NBAS: variants seen among roughly 807,000 people sequenced by gnomAD.
NBAS encodes the protein NAG/BC035112 fusion.
In NBAS, 219 loss-of-function variants were observed where a neutral mutation model predicts 302.5. The ratio of observed to expected loss-of-function variants is 0.72; its 90% CI spans 0.65 to 0.81. The LOEUF (loss-of-function observed/expected upper bound fraction) is 0.81. NBAS is among the 30% of genes least tolerant of loss of function. The pLI, the probability that NBAS is intolerant of heterozygous loss-of-function variation, is 0.00. For synonymous variants in NBAS, 1,118 were observed against 1,021.6 expected (o/e 1.09, Z -1.80); for missense variants, 2,932 against 2,841.6 (o/e 1.03, Z -0.72).
chr2:15,266,354 T>A (rs1412490441), intron 44 of NBAS, among the ~76,000 whole-genome samples: 1 of 152,186 alleles, frequency 6.6e-6, no homozygotes, highest in Non-Finnish European at 1.5e-5. Flanking sequence ...GAGGCACTCA[T>A]TAGGATGCCC....
the NBAS span, among the ~76,000 whole-genome samples, chr2:14,948,100 A>G: frequency 6.6e-6 from 1 of 152,034 alleles, no homozygotes; most frequent in South Asian, 2.1e-4. Context: ...TAGGATAACT[A>G]TAGTCTACAT....
chr2:14,990,721 T>C, the NBAS span, among the ~76,000 whole-genome samples: 1 of 152,120 alleles, frequency 6.6e-6, no homozygotes, highest in Non-Finnish European at 1.5e-5. Flanking sequence ...TGCCTCAGCC[T>C]CCAGAGTAGC....
chr2:14,862,197 G>A, the NBAS span, among the ~76,000 whole-genome samples: 1 of 151,536 alleles, frequency 6.6e-6, no homozygotes, highest in Non-Finnish European at 1.5e-5. Context: ...GGAGTGCAGT[G>A]GCACAGTCTC....
At chr2:15,465,152 A>C (rs1056260521) in intron 19 of NBAS, among the ~76,000 whole-genome samples, 7 of 152,152 alleles carry the variant, frequency 4.6e-5, no homozygotes, top group Non-Finnish European at 7.4e-5. Context: ...TGGTTCTTGC[A>C]ACAAATATTT....
At position 15,167,012 on chromosome 2, in the gene NBAS, G is replaced by T. The variant is rs368424859; in HGVS notation, c.*36C>A. ...CTGGGAACAGCATTCAACTCCAGAT[G>T]CTTTTTCTGCTAAGGAGCAGGGCCA... On this transcript the variant is annotated 3_prime_UTR_variant, in exon 52 of 52. Coordinates refer to ENST00000281513, the MANE Select transcript of NBAS (RefSeq NM_015909.4). 3.3e-6 allele frequency: 5 copies of T among 1,509,238 alleles called. No individual in the cohort carries two copies. The highest frequency in any genetic ancestry group is 1.4e-5 in the African/African-American group (1 of 71,650). The allele number at this position is 1,509,238 out of a possible 1,614,324, so 93.5% of individuals were successfully genotyped here.
chr2:15,445,423 CAT>C lies in NBAS; in HGVS notation c.2339+15776_2339+15777del, dbSNP rs1432457420. Among the ~76,000 whole-genome samples, 9 of 148,354 alleles carry C rather than the reference CAT, an allele frequency of 6.1e-5. No homozygotes were observed. The South Asian group carries it at 1.9e-3, about 32-fold the overall frequency. On this transcript the variant is annotated intron_variant, in intron 21 of 51. Transcript: ENST00000281513. ...CGCAAGAACAAAAATCCAAACACCG[CAT>C]ATTCTCACTCATAGGTGGGAATTGA...
chr2:14,893,398 G>A, the NBAS span, among the ~76,000 whole-genome samples: 3 of 151,790 alleles, frequency 2.0e-5, no homozygotes, highest in East Asian at 3.9e-4. Context: ...CCTAGTTTTT[G>A]TTACATTTTC....
chr2:14,890,099 C>T, the NBAS span, among the ~76,000 whole-genome samples: 1 of 152,144 alleles, frequency 6.6e-6, no homozygotes, highest in Non-Finnish European at 1.5e-5. Context: ...TAAAAAATTA[C>T]AGACTTTTTT....
At chr2:15,294,563 G>A (rs1297253978) in intron 40 of NBAS, among the ~76,000 whole-genome samples, 6 of 152,238 alleles carry the variant, frequency 3.9e-5, no homozygotes, top group East Asian at 1.9e-4. Flanking sequence ...CCTCCAGCAC[G>A]TGCACAGCCA....
At chr2:15,551,185 A>C (rs1664365103) in intron 6 of NBAS, among the ~76,000 whole-genome samples, 1 of 152,144 alleles carries the variant, frequency 6.6e-6, no homozygotes, top group African/African-American at 2.4e-5. Context: ...GTCTGTATCT[A>C]ACTCTTGACT....
the NBAS span, among the ~76,000 whole-genome samples, chr2:14,983,587 T>C: frequency 6.6e-6 from 1 of 152,290 alleles, no homozygotes; most frequent in African/African-American, 2.4e-5. Flanking sequence ...CAGAACATTT[T>C]ATCAACAAAA....
chr2:15,336,716 C>A (rs1672602136), intron 35 of NBAS, among the ~76,000 whole-genome samples: 1 of 150,648 alleles, frequency 6.6e-6, no homozygotes, highest in African/African-American at 2.5e-5. Flanking sequence ...GGCGACAGAA[C>A]AAGACTCCAT....
At chr2:14,937,990 TG>T in the NBAS span, among the ~76,000 whole-genome samples, 1 of 152,100 alleles carries the variant, frequency 6.6e-6, no homozygotes, top group African/African-American at 2.4e-5. Flanking sequence ...TTAGCCGTCA[TG>T]GTGGTACGCA....
At chr2:14,946,841 T>C in the NBAS span, among the ~76,000 whole-genome samples, 3 of 152,138 alleles carry the variant, frequency 2.0e-5, no homozygotes, top group African/African-American at 7.2e-5. Context: ...TTTTTCTGAC[T>C]AAAGTGGAAA....
At chr2:14,892,427 CG>C in the NBAS span, among the ~76,000 whole-genome samples, 1 of 152,186 alleles carries the variant, frequency 6.6e-6, no homozygotes. Context: ...ATCAAGACCA[CG>C]TAGGACACCT....
At chr2:15,458,569 A>G (rs7605727) in intron 21 of NBAS, among the ~76,000 whole-genome samples, 94,626 of 151,666 alleles carry the variant, frequency 0.62, 30,263 homozygotes, top group Middle Eastern at 0.68. Flanking sequence ...TTCACCTTCC[A>G]CCATGACTGG....
chr2:15,506,768 G>A (rs1661873921), intron 10 of NBAS, among the ~76,000 whole-genome samples: 1 of 152,034 alleles, frequency 6.6e-6, no homozygotes, highest in Admixed American at 6.6e-5. Context: ...CAAATATTAT[G>A]TATGTGACAA....
At chr2:15,231,099 G>C (rs1252437424) in intron 47 of NBAS, among the ~76,000 whole-genome samples, 1 of 152,172 alleles carries the variant, frequency 6.6e-6, no homozygotes, top group African/African-American at 2.4e-5. Context: ...TGAGCTCCTT[G>C]GGGTTAGAGG....
At chr2:14,893,934 T>C in the NBAS span, among the ~76,000 whole-genome samples, 2 of 152,334 alleles carry the variant, frequency 1.3e-5, no homozygotes, top group South Asian at 4.1e-4. Flanking sequence ...ATAATCACTT[T>C]AGTAAAATCT....
Sources: gnomAD v4.1 joint callset for allele counts (sites outside exome capture counted in the v4.1 genomes callset) on GRCh38, gnomAD v4.1.1 for gene constraint, MANE v1.5 for transcripts, NCBI Gene and HGNC (gene_info 2026-07-23, HGNC 2026-07-21) for gene names.